Variants in WDR59 observed in about 807,000 individuals in gnomAD.
WDR59 encodes GATOR2 complex protein WDR59.
Under a neutral mutation model 131.2 loss-of-function variants are expected in WDR59, and 100 were observed. That is an observed-to-expected ratio of 0.76 (90% CI 0.65 to 0.90). The LOEUF (loss-of-function observed/expected upper bound fraction) is 0.90. Ranked by LOEUF, WDR59 falls within the 40% of genes least tolerant of loss-of-function variation. WDR59 has a pLI of 0.00. For synonymous variants in WDR59, 601 were observed against 466.2 expected (o/e 1.29, Z -3.72); for missense variants, 1,203 against 1,262.2 (o/e 0.95, Z 0.71).
At chr16:74,971,369 T>C (rs569359695) in intron 1 of WDR59, among the ~76,000 whole-genome samples, 1 of 151,782 alleles carries the variant, frequency 6.6e-6, no homozygotes, top group South Asian at 2.1e-4. Flanking sequence ...TTTGTGTACC[T>C]TACCCATACA....
chr16:74,879,832 C>CCACACA (rs1478148669), intron 25 of WDR59, among the ~76,000 whole-genome samples: 2 of 152,132 alleles, frequency 1.3e-5, no homozygotes, highest in African/African-American at 4.8e-5. Context: ...ATGCTCAGAA[C>CCACACA]AATGGGTAAG....
chr16:74,929,333 C>T (rs1440671848), intron 8 of WDR59, among the ~76,000 whole-genome samples: 3 of 152,086 alleles, frequency 2.0e-5, no homozygotes, highest in Non-Finnish European at 2.9e-5. Context: ...CCTCGGCCTC[C>T]CAAAGTGCTG....
At chr16:74,955,193 C>A (rs879389641) in intron 3 of WDR59, among the ~76,000 whole-genome samples, 2 of 152,212 alleles carry the variant, frequency 1.3e-5, no homozygotes, top group East Asian at 1.9e-4. Flanking sequence ...ACAACTGAGG[C>A]GTCAGCCTAA....
At chr16:74,940,272 G>A (rs747213982) in intron 7 of WDR59, among the ~76,000 whole-genome samples, 16 of 151,728 alleles carry the variant, frequency 1.1e-4, no homozygotes, top group Middle Eastern at 6.8e-3. Flanking sequence ...CCAGCTACTC[G>A]GGAGGCTGAG....
intron 1 of WDR59, among the ~76,000 whole-genome samples, chr16:74,979,316 A>G (rs2034306654): frequency 1.3e-5 from 2 of 151,640 alleles, no homozygotes; most frequent in Admixed American, 1.3e-4. Flanking sequence ...ATACAAAAAA[A>G]TTAGCCAGGC....
intron 17 of WDR59, among the ~76,000 whole-genome samples, chr16:74,906,609 A>G (rs1490678181): frequency 1.3e-5 from 2 of 152,204 alleles, no homozygotes; most frequent in Non-Finnish European, 2.9e-5. Flanking sequence ...GAAAACTGGA[A>G]AGGATGCAAC....
At chr16:74,953,577 T>C (rs1428282270) in intron 3 of WDR59, among the ~76,000 whole-genome samples, 4 of 151,770 alleles carry the variant, frequency 2.6e-5, no homozygotes, top group African/African-American at 9.7e-5. Context: ...CTGTCAAGAA[T>C]GCAGAAAGAC....
At chr16:74,966,344 G>T (rs567745772) in intron 1 of WDR59, among the ~76,000 whole-genome samples, 3 of 152,118 alleles carry the variant, frequency 2.0e-5, no homozygotes, top group Non-Finnish European at 2.9e-5. Flanking sequence ...GCCCGGTGTT[G>T]TGGTGGACAC....
In WDR59 at chr16:74,915,963, C is replaced by T; in HGVS notation, c.1131G>A (p.Leu377=). 1.9e-6 allele frequency: 3 copies of T among 1,614,164 alleles called. No homozygotes were observed. The highest frequency in any genetic ancestry group is 2.5e-6 in the Non-Finnish European group (3 of 1,180,020). Residue 377 remains leucine, a synonymous_variant, in exon 13 of 26, where the codon CTG becomes CTA. Transcript: ENST00000262144. ...ALKEDPPRNL[L]EERKSDQLGL... ...CCAGTTGATCTGATTTCCTCTCTTCCAGGAGATTTCTAGGGGGATCTTCTT... is the reference window on the plus strand; with the variant it reads ...CCAGTTGATCTGATTTCCTCTCTTCTAGGAGATTTCTAGGGGGATCTTCTT...
chr16:74,960,957 A>T (rs1255185820), intron 2 of WDR59, among the ~76,000 whole-genome samples: 1 of 152,062 alleles, frequency 6.6e-6, no homozygotes, highest in Non-Finnish European at 1.5e-5. Flanking sequence ...AATTTCAGCT[A>T]TTTACTTAAG....
chr16:74,888,437 C>T lies in WDR59; in HGVS notation c.2196-118G>A, dbSNP rs1049336510. 5 of 1,070,742 alleles carry T rather than the reference C, an allele frequency of 4.7e-6. No homozygotes were observed. The African/African-American group carries it at 4.9e-5, about 10-fold the overall frequency. 66.3% of individuals were successfully genotyped at this position (1,070,742 alleles called of 1,614,324 possible). A position where few individuals can be genotyped will look rare whatever the true frequency, so the allele number is the denominator to read the frequency against. ...GGGAAGGGAGGAGTCTTGATTCTGCCTCAAAAACCCATCAGGAAATGGGGC... is the reference window on the plus strand; with the variant it reads ...GGGAAGGGAGGAGTCTTGATTCTGCTTCAAAAACCCATCAGGAAATGGGGC... On this transcript the variant is annotated intron_variant, in intron 21 of 25. Transcript: ENST00000262144.
chr16:74,895,407 C>A (rs908970825), intron 18 of WDR59, among the ~76,000 whole-genome samples: 1 of 152,098 alleles, frequency 6.6e-6, no homozygotes, highest in Non-Finnish European at 1.5e-5. Context: ...GGATTACAGG[C>A]ATGCACCATC....
intron 1 of WDR59, among the ~76,000 whole-genome samples, chr16:74,966,448 C>A (rs2033780392): frequency 6.6e-6 from 1 of 151,606 alleles, no homozygotes. Context: ...CCACTGCACT[C>A]CAGCCTGGGC....
chr16:74,971,426 C>CTTTTTTT (rs58120924), intron 1 of WDR59, among the ~76,000 whole-genome samples: 253 of 90,160 alleles, frequency 2.8e-3, no homozygotes, highest in Middle Eastern at 9.1e-3. Flanking sequence ...TCTTTCCTTC[C>CTTTTTTT]TTTTTTTTTT....
chr16:74,980,696 G>C (rs934379572), intron 1 of WDR59, among the ~76,000 whole-genome samples: 1 of 152,088 alleles, frequency 6.6e-6, no homozygotes, highest in Non-Finnish European at 1.5e-5. Context: ...TTTCAGACCA[G>C]GTGCAATGGC....
intron 7 of WDR59, among the ~76,000 whole-genome samples, chr16:74,940,916 G>A (rs1224508966): frequency 6.6e-6 from 1 of 151,992 alleles, no homozygotes; most frequent in Non-Finnish European, 1.5e-5. Context: ...ATGTTAGCCA[G>A]GATGGTCTCG....
chr16:74,887,576 T>C (rs934935727), intron 23 of WDR59, 107 bp downstream of exon 23: 2 of 1,078,136 alleles, frequency 1.9e-6, no homozygotes, highest in Admixed American at 2.4e-5. Flanking sequence ...TAAAGAGAAA[T>C]AAGAAATAAG....
intron 7 of WDR59, among the ~76,000 whole-genome samples, chr16:74,938,816 G>A (rs1417701956): frequency 6.6e-6 from 1 of 151,850 alleles, no homozygotes; most frequent in Non-Finnish European, 1.5e-5. Context: ...TGGATTACAG[G>A]CACGATCCAC....
intron 10 of WDR59, 124 bp downstream of exon 10, chr16:74,921,823 G>C: frequency 8.1e-7 from 1 of 1,232,078 alleles, no homozygotes; most frequent in South Asian, 1.6e-5. Flanking sequence ...AACAGCCCTG[G>C]CTCTCTGGTT....
Sources: gnomAD v4.1 joint callset for allele counts (sites outside exome capture counted in the v4.1 genomes callset) on GRCh38, gnomAD v4.1.1 for gene constraint, MANE v1.5 for transcripts, NCBI Gene and HGNC (gene_info 2026-07-23, HGNC 2026-07-21) for gene names.